The following BATF variants were observed in gnomAD, a reference collection of about 807,000 sequenced individuals.
The protein encoded by BATF is basic leucine zipper ATF-like transcription factor.
In BATF, 5 loss-of-function variants were observed where a neutral mutation model predicts 13.7. That is an observed-to-expected ratio of 0.36 (90% CI 0.19 to 0.77). The LOEUF (loss-of-function observed/expected upper bound fraction) is 0.77. BATF is among the 30% of genes least tolerant of loss of function. BATF has a pLI of 0.51. For missense variants in BATF, 124 were observed against 163.0 expected, an observed-to-expected ratio of 0.76 and a Z score of 1.30; for synonymous variants, 72 against 67.5, an observed-to-expected ratio of 1.07 and a Z score of -0.33.
At chr14:75,537,077 T>A (rs1887830867) in intron 2 of BATF, among the ~76,000 whole-genome samples, 1 of 152,228 alleles carries the variant, frequency 6.6e-6, no homozygotes, top group Non-Finnish European at 1.5e-5. Context: ...TTTAAGGATA[T>A]CAGTAGTTTC....
intron 2 of BATF, among the ~76,000 whole-genome samples, chr14:75,534,258 A>T (rs1887786414): frequency 1.3e-5 from 2 of 152,244 alleles, no homozygotes; most frequent in African/African-American, 4.8e-5. Flanking sequence ...GGACTCCAAT[A>T]GACAAGTGGG....
At chr14:75,534,383 A>C (rs1887788488) in intron 2 of BATF, among the ~76,000 whole-genome samples, 1 of 152,228 alleles carries the variant, frequency 6.6e-6, no homozygotes, top group Non-Finnish European at 1.5e-5. Context: ...TCTCAACCCC[A>C]GTGGAACTGA....
intron 2 of BATF, among the ~76,000 whole-genome samples, chr14:75,541,518 G>A (rs892363259): frequency 6.6e-6 from 1 of 152,192 alleles, no homozygotes. Context: ...ATGCAGCCCA[G>A]GAGGCAGATG....
At position 75,546,560 on chromosome 14, in the gene BATF, C is replaced by T. The variant is rs1887988988; in HGVS notation, c.267C>T (p.His89=). Residue 89 remains histidine (H), a synonymous_variant, in exon 3 of 3, where the codon CAC becomes CAT. Transcript: ENST00000286639. ...LKYFTSVLNS[H]EPLCSVLAAS... is the part of the protein sequence containing the mutation. ...ACTTCACGTCGGTGCTGAACAGCCA[C>T]GAGCCCCTGTGCTCGGTGCTGGCCG... 3 of 1,613,944 alleles carry T rather than the reference C, an allele frequency of 1.9e-6. No individual in the cohort carries two copies. The highest frequency in any genetic ancestry group is 1.3e-5 in the African/African-American group (1 of 74,926).
At chr14:75,538,495 T>G (rs1887848473) in intron 2 of BATF, among the ~76,000 whole-genome samples, 1 of 152,172 alleles carries the variant, frequency 6.6e-6, no homozygotes, top group Non-Finnish European at 1.5e-5. Context: ...TGTACCTGAA[T>G]ATGTGGAGTG....
At chr14:75,545,388 A>ATTTTTTTTTTTTTTT (rs35791450) in intron 2 of BATF, among the ~76,000 whole-genome samples, 19 of 105,214 alleles carry the variant, frequency 1.8e-4, no homozygotes, top group African/African-American at 7.0e-4. Context: ...CGCCTGGTTA[A>ATTTTTTTTTTTTTTT]TTTTTTTTTT....
intron 1 of BATF, among the ~76,000 whole-genome samples, chr14:75,523,858 G>A (rs1388551137): frequency 6.6e-6 from 1 of 152,206 alleles, no homozygotes; most frequent in Non-Finnish European, 1.5e-5. Flanking sequence ...ACAGAATCCA[G>A]TCTGCTGCTC....
chr14:75,535,596 A>G (rs909173970), intron 2 of BATF, among the ~76,000 whole-genome samples: 4 of 152,224 alleles, frequency 2.6e-5, no homozygotes, highest in African/African-American at 4.8e-5. Flanking sequence ...CATCAAGTAC[A>G]AAGAGACAAT....
chr14:75,545,861 T>C (rs1235357986), intron 2 of BATF, among the ~76,000 whole-genome samples: 1 of 151,946 alleles, frequency 6.6e-6, no homozygotes, highest in African/African-American at 2.4e-5. Flanking sequence ...ATGAAATTGC[T>C]TTTTTGCCGG....
At chr14:75,538,946 G>C (rs1222059574) in intron 2 of BATF, among the ~76,000 whole-genome samples, 2 of 152,176 alleles carry the variant, frequency 1.3e-5, no homozygotes, top group Non-Finnish European at 2.9e-5. Flanking sequence ...CCCTTGCTTT[G>C]ATGGCAGTTA....
chr14:75,527,209 GTAA>G (rs1194579398), intron 2 of BATF, among the ~76,000 whole-genome samples: 2 of 152,004 alleles, frequency 1.3e-5, no homozygotes, highest in East Asian at 1.9e-4. Flanking sequence ...TATAATAAGA[GTAA>G]TAATAATTAT....
In BATF at chr14:75,546,596, C is replaced by A; in HGVS notation, c.303C>A (p.Pro101=). 1.2e-6 allele frequency: 2 copies of A among 1,613,942 alleles called. No homozygotes were observed. Among genetic ancestry groups the A allele is most frequent in the Admixed American group, 1.7e-5 (1 of 60,008 alleles). The change falls in exon 3 of 3, where the codon CCC becomes CCA. Residue 101 remains proline (P), a synonymous_variant. Transcript: ENST00000286639. The stretch of plus-strand genomic sequence containing the variant: ...GCTCGGTGCTGGCCGCCAGCACGCC[C>A]TCGCCCCCCGAGGTGGTGTACAGCG... ...PLCSVLAAST[P]SPPEVVYSAH... is the part of the protein sequence containing the mutation.
At chr14:75,537,319 C>T (rs1394233511) in intron 2 of BATF, among the ~76,000 whole-genome samples, 1 of 152,182 alleles carries the variant, frequency 6.6e-6, no homozygotes, top group African/African-American at 2.4e-5. Context: ...AAAGTAGAAG[C>T]TATTAAAGTG....
chr14:75,525,239 C>A, intron 2 of BATF, 51 bp downstream of exon 2: 1 of 1,550,562 alleles, frequency 6.4e-7, no homozygotes, highest in Admixed American at 1.8e-5. Context: ...CTTTGCCCTC[C>A]GCCATCTGGG....
Position 75,525,154 on chromosome 14 carries a change from A to G in BATF, c.134A>G (p.Gln45Arg). Residue 45 changes from glutamine to arginine, a missense_variant, in exon 2 of 3, where the codon CAG becomes CGG. This residue lies in a region of BATF where 65 missense variants were observed against 113.3 expected (regional missense o/e 0.57). Transcript: ENST00000286639. ...CGTATTGCCGCCCAGAAGAGCCGAC[A>G]GAGGCAGACACAGAAGGCCGACACC... The part of the protein sequence containing the change: ...KNRIAAQKSR[Q>R]RQTQKADTLH... 2.5e-6 allele frequency: 4 copies of G among 1,614,128 alleles called. No homozygotes were observed. Among genetic ancestry groups the G allele is most frequent in the Non-Finnish European group, 3.4e-6 (4 of 1,180,010 alleles).
chr14:75,524,799 A>T (rs79443297), intron 1 of BATF, among the ~76,000 whole-genome samples: 1 of 143,072 alleles, frequency 7.0e-6, no homozygotes, highest in African/African-American at 2.5e-5. Flanking sequence ...CGCCTTAACC[A>T]TTTTTTTTTT....
intron 2 of BATF, among the ~76,000 whole-genome samples, chr14:75,530,170 A>T (rs1022279791): frequency 4.6e-5 from 7 of 152,166 alleles, no homozygotes; most frequent in African/African-American, 1.7e-4. Flanking sequence ...GGTAGACCTT[A>T]TTTAGTTAGG....
At position 75,546,696 on chromosome 14, in the gene BATF, C is replaced by A. The variant is rs764945865; in HGVS notation, c.*25C>A. 1.0e-4 allele frequency: 154 copies of A among 1,539,870 alleles called. No individual in the cohort carries two copies. Among genetic ancestry groups the A allele is most frequent in the Non-Finnish European group, 9.2e-5 (105 of 1,143,346 alleles). On this transcript the variant is annotated 3_prime_UTR_variant, in exon 3 of 3. Coordinates refer to ENST00000286639, the MANE Select transcript of BATF (RefSeq NM_006399.5). ...AGCTTCCGATGCGGGGAGAGCAGAG[C>A]CTCGGGAGGGGCACACAGACTGTGG...
chr14:75,528,209 T>C (rs1887680252), intron 2 of BATF, among the ~76,000 whole-genome samples: 2 of 152,174 alleles, frequency 1.3e-5, no homozygotes, highest in African/African-American at 4.8e-5. Flanking sequence ...GCTTTACAGA[T>C]GAGGGTTTGG....
Sources: allele counts gnomAD v4.1 joint callset (sites outside exome capture counted in the v4.1 genomes callset), GRCh38; gene constraint gnomAD v4.1.1; regional missense constraint gnomAD v4.1.1; transcripts MANE v1.5; gene names NCBI Gene and HGNC (gene_info 2026-07-23, HGNC 2026-07-21).